The following CNTN4 variants were observed in gnomAD, a reference collection of about 807,000 sequenced individuals.
CNTN4 encodes the protein contactin 4, also known as contactin-4.
In CNTN4, 77 loss-of-function variants were observed where a neutral mutation model predicts 122.5. The ratio of observed to expected loss-of-function variants is 0.63; its 90% confidence interval spans 0.52 to 0.76. CNTN4 has a LOEUF of 0.76. CNTN4 is among the 30% of genes least tolerant of loss of function. The pLI is 0.00. For missense variants in CNTN4, 1,256 were observed against 1,259.1 expected (o/e 1.00, Z 0.04); for synonymous variants, 512 against 447.0 (o/e 1.15, Z -1.83).
intron 3 of CNTN4, among the ~76,000 whole-genome samples, chr3:2,509,165 C>T (rs2076815863): frequency 6.6e-6 from 1 of 152,222 alleles, no homozygotes; most frequent in Non-Finnish European, 1.5e-5. Context: ...CTCCTCTCTT[C>T]ATTTGCTTCA....
At chr3:2,700,607 C>T (rs1199093685) in intron 4 of CNTN4, among the ~76,000 whole-genome samples, 1 of 151,848 alleles carries the variant, frequency 6.6e-6, no homozygotes, top group Non-Finnish European at 1.5e-5. Context: ...TTGAAATTAG[C>T]CTGTCATCTG....
intron 3 of CNTN4, among the ~76,000 whole-genome samples, chr3:2,451,363 C>T (rs1408299801): frequency 6.6e-6 from 1 of 151,104 alleles, no homozygotes; most frequent in African/African-American, 2.4e-5. Context: ...CACCAGCAAG[C>T]TTCATACATT....
intron 3 of CNTN4, among the ~76,000 whole-genome samples, chr3:2,430,521 A>G (rs547792513): frequency 1.3e-5 from 2 of 151,048 alleles, no homozygotes; most frequent in South Asian, 4.2e-4. Flanking sequence ...CGGCCATCTT[A>G]GAACCTCCCC....
chr3:2,298,887 G>GT (rs1331207123), intron 2 of CNTN4, among the ~76,000 whole-genome samples: 1 of 152,164 alleles, frequency 6.6e-6, no homozygotes, highest in Non-Finnish European at 1.5e-5. Flanking sequence ...TTTGTAACAT[G>GT]TGAAACACTT....
chr3:2,746,143 G>GAACAA (rs71058639), intron 6 of CNTN4, among the ~76,000 whole-genome samples: 1 of 149,896 alleles, frequency 6.7e-6, no homozygotes, highest in South Asian at 2.1e-4. Flanking sequence ...GCGAGCAATT[G>GAACAA]AGCTGCCAGT....
chr3:2,455,653 C>A (rs6809308), intron 3 of CNTN4, among the ~76,000 whole-genome samples: 2 of 152,000 alleles, frequency 1.3e-5, no homozygotes, highest in African/African-American at 4.8e-5. Flanking sequence ...AAAAAATATG[C>A]AAAGTTAAAT....
intron 23 of CNTN4, among the ~76,000 whole-genome samples, chr3:3,044,517 T>C (rs973766563): frequency 6.6e-6 from 1 of 152,188 alleles, no homozygotes; most frequent in African/African-American, 2.4e-5. Context: ...TAACCTGGGC[T>C]TCCTCACAGT....
intron 3 of CNTN4, among the ~76,000 whole-genome samples, chr3:2,384,622 C>A (rs1363413153): frequency 6.6e-6 from 1 of 152,086 alleles, no homozygotes; most frequent in Non-Finnish European, 1.5e-5. Flanking sequence ...TAAAATTACT[C>A]CCTTTGTGGA....
intron 3 of CNTN4, among the ~76,000 whole-genome samples, chr3:2,538,824 A>G (rs2077916345): frequency 6.6e-6 from 1 of 151,776 alleles, no homozygotes; most frequent in Admixed American, 6.6e-5. Flanking sequence ...TATTTTATCT[A>G]TTTCTAATAT....
In CNTN4 at chr3:2,296,736, A is replaced by G. The variant is rs978963602; in HGVS notation, c.-144-42442A>G. ...ATGGTCCACAGATATTGCAGGTGAC[A>G]TGTACTATATGCAACAGGTGTTTGT... On this transcript the variant is annotated intron_variant, in intron 2 of 24. Coordinates refer to ENST00000418658, the MANE Select transcript of CNTN4 (RefSeq NM_175607.3). Among the ~76,000 whole-genome samples, 9 of 151,800 alleles carry G rather than the reference A, an allele frequency of 5.9e-5. 1 individual carries two copies. Among genetic ancestry groups the G allele is most frequent in the Middle Eastern group, 6.8e-3 (2 of 294 alleles).
intron 3 of CNTN4, among the ~76,000 whole-genome samples, chr3:2,381,778 A>G (rs2046032399): frequency 1.3e-5 from 2 of 152,294 alleles, no homozygotes; most frequent in South Asian, 4.1e-4. Flanking sequence ...TGTATTTCTT[A>G]TAAAATATTG....
At chr3:2,747,588 C>T (rs1327059204) in intron 6 of CNTN4, among the ~76,000 whole-genome samples, 4 of 151,952 alleles carry the variant, frequency 2.6e-5, no homozygotes, top group Non-Finnish European at 5.9e-5. Flanking sequence ...CAGTCATTTA[C>T]ATAGAATAGT....
intron 4 of CNTN4, among the ~76,000 whole-genome samples, chr3:2,716,918 AT>A (rs1361010024): frequency 6.6e-6 from 1 of 152,042 alleles, no homozygotes; most frequent in Non-Finnish European, 1.5e-5. Context: ...TTCTCATAAT[AT>A]TTTCAAGATT....
At chr3:2,572,520 C>T (rs542936938) in intron 4 of CNTN4, among the ~76,000 whole-genome samples, 84 of 152,348 alleles carry the variant, frequency 5.5e-4, no homozygotes, top group Non-Finnish European at 6.8e-4. Flanking sequence ...CAGCATGCAG[C>T]GGGAATTGGT....
At chr3:2,262,532 C>G (rs1443758388) in intron 2 of CNTN4, 2 of 151,746 alleles carry the variant, frequency 1.3e-5, no homozygotes, top group Non-Finnish European at 2.9e-5. Flanking sequence ...TTGTATGTAC[C>G]TTGATAATTT....
chr3:2,788,761 A>G (rs2091916280), intron 6 of CNTN4, among the ~76,000 whole-genome samples: 2 of 152,238 alleles, frequency 1.3e-5, no homozygotes, highest in Admixed American at 1.3e-4. Flanking sequence ...AGCTTTTATT[A>G]GAATTACCCA....
intron 6 of CNTN4, among the ~76,000 whole-genome samples, chr3:2,817,557 C>T (rs2092765660): frequency 6.6e-6 from 1 of 152,166 alleles, no homozygotes; most frequent in Non-Finnish European, 1.5e-5. Context: ...AACATGAATA[C>T]AGTTTTTTAA....
intron 13 of CNTN4, among the ~76,000 whole-genome samples, chr3:2,935,948 G>A (rs1329924795): frequency 2.0e-5 from 3 of 152,200 alleles, no homozygotes; most frequent in Admixed American, 6.5e-5. Flanking sequence ...GGTGCAAGGA[G>A]CAGCGGGAAA....
chr3:2,785,755 G>A (rs2091786204), intron 6 of CNTN4, among the ~76,000 whole-genome samples: 2 of 152,194 alleles, frequency 1.3e-5, no homozygotes, highest in Admixed American at 6.5e-5. Context: ...ACGGACAGGA[G>A]ACAGGGATAT....
Sources: gnomAD v4.1 joint callset for allele counts (sites outside exome capture counted in the v4.1 genomes callset) on GRCh38, gnomAD v4.1.1 for gene constraint, MANE v1.5 for transcripts, NCBI Gene and HGNC (gene_info 2026-07-23, HGNC 2026-07-21) for gene names.